The following CPED1 variants were observed in gnomAD, a reference collection of about 807,000 sequenced individuals.
CPED1 encodes the protein cadherin like and PC-esterase domain containing 1.
In CPED1, 114 loss-of-function variants were observed where a neutral mutation model predicts 128.2. The observed-to-expected ratio is 0.89, with a 90% CI of 0.76 to 1.04. The LOEUF is 1.04. Among genes scored for constraint, CPED1 ranks in the 50% least tolerant of loss-of-function variants. The pLI is 0.00. For missense variants in CPED1, 1,211 were observed against 1,207.1 expected (o/e 1.00, Z -0.05); for synonymous variants, 462 against 426.7 (o/e 1.08, Z -1.02).
rs78988680 is a variant in CPED1 at position 121,191,169 on chromosome 7, A to C, written c.2056-45545A>C. On this transcript the variant is annotated intron_variant, in intron 16 of 22. Coordinates refer to ENST00000310396, the MANE Select transcript of CPED1 (RefSeq NM_024913.5). ...AAAAAGTAAAAGAACTGTTTGATTC[A>C]TGCTTTTTGCCACCTTTTAGAATAT... 1.1e-4 allele frequency among the ~76,000 whole-genome samples: 17 copies of C among 152,278 alleles called. No homozygotes were observed. The East Asian group carries it at 3.3e-3, about 29-fold the overall frequency.
chr7:121,050,460 GTT>G (rs34017549), intron 4 of CPED1: 18 of 108,472 alleles, frequency 1.7e-4, no homozygotes, highest in African/African-American at 2.6e-4. Flanking sequence ...GGCAATATAG[GTT>G]TTTTTTTTTT....
chr7:121,238,197 G>A (rs142643947), intron 17 of CPED1, among the ~76,000 whole-genome samples: 1 of 152,128 alleles, frequency 6.6e-6, no homozygotes, highest in Non-Finnish European at 1.5e-5. Context: ...GGGTGAGGCC[G>A]CCATAGAACG....
intron 16 of CPED1, among the ~76,000 whole-genome samples, chr7:121,155,492 G>A (rs934922020): frequency 2.6e-5 from 4 of 152,144 alleles, no homozygotes; most frequent in African/African-American, 9.7e-5. Context: ...GAACATCATA[G>A]TACTGGCATA....
intron 16 of CPED1, among the ~76,000 whole-genome samples, chr7:121,213,757 T>C (rs1024887261): frequency 3.9e-5 from 6 of 152,074 alleles, no homozygotes; most frequent in Non-Finnish European, 7.4e-5. Context: ...TAATTTTTAA[T>C]ATTAATTTAG....
At chr7:121,086,686 A>G (rs1300956197) in intron 5 of CPED1, among the ~76,000 whole-genome samples, 1 of 152,216 alleles carries the variant, frequency 6.6e-6, no homozygotes, top group Non-Finnish European at 1.5e-5. Context: ...AAATGCCAAC[A>G]TTCTCCAAGA....
At chr7:121,289,212 G>A (rs1370738461) in intron 22 of CPED1, among the ~76,000 whole-genome samples, 1 of 152,184 alleles carries the variant, frequency 6.6e-6, no homozygotes, top group East Asian at 1.9e-4. Context: ...GCCAGATCAA[G>A]CAAAGCCAAA....
chr7:121,275,550 C>CCACAA (rs1269339416), intron 22 of CPED1, among the ~76,000 whole-genome samples: 3 of 152,096 alleles, frequency 2.0e-5, no homozygotes, highest in Admixed American at 6.6e-5. Context: ...AGGGACAAAT[C>CCACAA]CACAACCAAC....
chr7:121,166,119 G>A (rs1289053449), intron 16 of CPED1, among the ~76,000 whole-genome samples: 2 of 119,734 alleles, frequency 1.7e-5, no homozygotes, highest in Non-Finnish European at 3.5e-5. Context: ...TGAGTGCATG[G>A]CAAAAACAAA....
At chr7:121,061,385 CAT>C (rs1190502636) in intron 4 of CPED1, among the ~76,000 whole-genome samples, 1 of 152,156 alleles carries the variant, frequency 6.6e-6, no homozygotes, top group Non-Finnish European at 1.5e-5. Flanking sequence ...CACACATACA[CAT>C]AGATGCATAT....
chr7:121,289,805 A>C (rs188271299), intron 22 of CPED1, among the ~76,000 whole-genome samples: 75 of 152,090 alleles, frequency 4.9e-4, no homozygotes, highest in African/African-American at 1.7e-3. Context: ...TTCTTTTATT[A>C]TTTTATTTAT....
intron 5 of CPED1, among the ~76,000 whole-genome samples, chr7:121,091,180 A>AC (rs563534608): frequency 1.3e-5 from 2 of 152,158 alleles, no homozygotes; most frequent in East Asian, 3.9e-4. Flanking sequence ...TAACTGAAAA[A>AC]AAAAATTGCA....
chr7:121,159,274 A>G (rs1035957942), intron 16 of CPED1, among the ~76,000 whole-genome samples: 1 of 152,194 alleles, frequency 6.6e-6, no homozygotes, highest in African/African-American at 2.4e-5. Context: ...AGAAAAAGAC[A>G]TCTATACAAT....
intron 5 of CPED1, among the ~76,000 whole-genome samples, chr7:121,068,297 T>G (rs1238504422): frequency 6.6e-6 from 1 of 152,288 alleles, no homozygotes; most frequent in African/African-American, 2.4e-5. Flanking sequence ...TTGTATAAGG[T>G]ATAAGGAAGG....
chr7:121,286,717 A>G (rs1792586083), intron 22 of CPED1, among the ~76,000 whole-genome samples: 1 of 152,214 alleles, frequency 6.6e-6, no homozygotes, highest in Non-Finnish European at 1.5e-5. Flanking sequence ...TGAGTCCCCA[A>G]AGAGCAGGAT....
chr7:121,261,073 A>G (rs1195845424), intron 18 of CPED1, among the ~76,000 whole-genome samples: 1 of 151,996 alleles, frequency 6.6e-6, no homozygotes, highest in Non-Finnish European at 1.5e-5. Context: ...TTCTTTAACT[A>G]TGTCCTGGTT....
At chr7:121,190,846 A>G (rs565463257) in intron 16 of CPED1, among the ~76,000 whole-genome samples, 21 of 152,164 alleles carry the variant, frequency 1.4e-4, no homozygotes, top group Non-Finnish European at 2.6e-4. Flanking sequence ...TAGCAAACAC[A>G]TAAAATCTGA....
At chr7:121,227,813 T>C (rs1798050952) in intron 16 of CPED1, among the ~76,000 whole-genome samples, 1 of 152,104 alleles carries the variant, frequency 6.6e-6, no homozygotes, top group South Asian at 2.1e-4. Flanking sequence ...TCAATTATCC[T>C]TATGCTCCAG....
chr7:121,224,881 T>C (rs1164247359), intron 16 of CPED1, among the ~76,000 whole-genome samples: 5 of 148,872 alleles, frequency 3.4e-5, no homozygotes, highest in Non-Finnish European at 5.9e-5. Flanking sequence ...GCATGTGAGA[T>C]GGGTCTCCTG....
At chr7:121,039,118 G>A (rs998975732) in intron 3 of CPED1, among the ~76,000 whole-genome samples, 2 of 151,986 alleles carry the variant, frequency 1.3e-5, no homozygotes, top group African/African-American at 2.4e-5. Flanking sequence ...GAGTAGCTAC[G>A]TAACTGTTTT....
Sources: allele counts gnomAD v4.1 joint callset (sites outside exome capture counted in the v4.1 genomes callset), GRCh38; gene constraint gnomAD v4.1.1; transcripts MANE v1.5; gene names NCBI Gene and HGNC (gene_info 2026-07-23, HGNC 2026-07-21).